The following LRIG2 variants were observed in gnomAD, a reference collection of about 807,000 sequenced individuals.
LRIG2 encodes leucine rich repeats and immunoglobulin like domains 2, also known as leucine-rich repeats and immunoglobulin-like domains protein 2.
Under a neutral mutation model 107.8 loss-of-function variants are expected in LRIG2, and 93 were observed. The observed-to-expected ratio is 0.86, with a 90% CI of 0.73 to 1.03. The LOEUF (loss-of-function observed/expected upper bound fraction) is 1.03, where lower values mean the gene tolerates loss of function less well. Among genes scored for constraint, LRIG2 ranks in the 50% least tolerant of loss-of-function variants. The pLI, the probability that LRIG2 is intolerant of heterozygous loss-of-function variation, is 0.00. For missense variants in LRIG2, 1,226 were observed against 1,296.0 expected (o/e 0.95, Z 0.83); for synonymous variants, 471 against 470.6 (o/e 1.00, Z -0.01).
At chr1:113,084,694 G>A (rs1570729930) in intron 1 of LRIG2, among the ~76,000 whole-genome samples, 1 of 152,146 alleles carries the variant, frequency 6.6e-6, no homozygotes, top group African/African-American at 2.4e-5. Flanking sequence ...GTTTCCTAAT[G>A]CTAGAAAATA....
At chr1:113,082,505 G>T (rs1653332976) in intron 1 of LRIG2, among the ~76,000 whole-genome samples, 1 of 152,208 alleles carries the variant, frequency 6.6e-6, no homozygotes, top group Non-Finnish European at 1.5e-5. Flanking sequence ...GCATCAGCTT[G>T]GCTTCTGGTG....
rs1371373256 is a variant in LRIG2, at chr1:113,073,202, G to A, written c.-205G>A. ...CGTTGCGCCGTGGGGAGGGGCGGAC[G>A]AGAGGTGTCCGTCAGGCCGTGTGTC... On this transcript the variant is annotated 5_prime_UTR_variant, in exon 1 of 18. Coordinates refer to ENST00000361127, the MANE Select transcript of LRIG2 (RefSeq NM_014813.3). 24 of 581,164 alleles carry A rather than the reference G, an allele frequency of 4.1e-5. No homozygotes were observed. The highest frequency in any genetic ancestry group is 6.5e-5 in the Non-Finnish European group (21 of 325,224). The allele number at this position is 581,164 out of a possible 1,614,324, so 36.0% of individuals were successfully genotyped here.
intron 1 of LRIG2, among the ~76,000 whole-genome samples, chr1:113,089,375 A>G (rs192154365): frequency 1.3e-5 from 2 of 152,314 alleles, no homozygotes; most frequent in South Asian, 2.1e-4. Context: ...TTTCAGTGAA[A>G]TCTCTACTGT....
chr1:113,088,051 A>G (rs1167012756), intron 1 of LRIG2, among the ~76,000 whole-genome samples: 1 of 152,230 alleles, frequency 6.6e-6, no homozygotes, highest in Admixed American at 6.5e-5. Flanking sequence ...TTGATAACTT[A>G]AAACAGTTGT....
Position 113,112,752 on chromosome 1 carries a change from C to A in LRIG2, c.2072C>A (p.Thr691Lys). Residue 691 changes from threonine (T) to lysine (K), a missense_variant, in exon 14 of 18, where the codon ACA becomes AAA. Transcript: ENST00000361127. The part of the protein sequence containing the change: ...AGGLSANASL[T>K]VLETPSFIRP... The stretch of plus-strand genomic sequence containing the variant: ...GGTCTCTCAGCAAATGCTTCCCTAA[C>A]AGTGTTAGGTACGTTTACTGCTCCA... The A allele has an allele frequency of 6.2e-7, 1 of 1,603,598 alleles. No individual in the cohort carries two copies. The highest frequency in any genetic ancestry group is 8.5e-7 in the Non-Finnish European group (1 of 1,171,238).
chr1:113,120,207 TC>T (rs1422373254), intron 17 of LRIG2, among the ~76,000 whole-genome samples: 1 of 151,682 alleles, frequency 6.6e-6, no homozygotes, highest in Admixed American at 6.6e-5. Flanking sequence ...CTTAGCACTT[TC>T]GGAGGCCAAA....
At chr1:113,084,417 G>A (rs1364156643) in intron 1 of LRIG2, among the ~76,000 whole-genome samples, 4 of 151,832 alleles carry the variant, frequency 2.6e-5, no homozygotes, top group Middle Eastern at 3.4e-3. Flanking sequence ...GGGTTTCACC[G>A]TGTTAGCCAA....
At chr1:113,115,393 G>A (rs1654962078) in intron 15 of LRIG2, among the ~76,000 whole-genome samples, 1 of 152,024 alleles carries the variant, frequency 6.6e-6, no homozygotes, top group Non-Finnish European at 1.5e-5. Flanking sequence ...TATATTTTTA[G>A]TAGAGTCGGG....
chr1:113,110,114 G>C (rs1228685295), intron 12 of LRIG2, 128 bp from the exon 13 acceptor site: 2 of 651,848 alleles, frequency 3.1e-6, no homozygotes, highest in African/African-American at 3.7e-5. Context: ...CTGTAGCTCT[G>C]TAGTCTCTTT....
At chr1:113,084,242 G>A (rs1258479496) in intron 1 of LRIG2, among the ~76,000 whole-genome samples, 1 of 130,466 alleles carries the variant, frequency 7.7e-6, no homozygotes, top group African/African-American at 2.8e-5. Context: ...CTGAGACAGA[G>A]TCTTGTTCTG....
intron 1 of LRIG2, among the ~76,000 whole-genome samples, chr1:113,083,198 C>A (rs1317391324): frequency 2.7e-5 from 4 of 148,498 alleles, no homozygotes; most frequent in Non-Finnish European, 5.9e-5. Flanking sequence ...ATATGAGGCA[C>A]CATGCTTGGC....
At position 113,094,597 on chromosome 1, in the gene LRIG2, C is replaced by T. The variant is rs757894403; in HGVS notation, c.660-15C>T. 9 of 1,605,752 alleles carry T rather than the reference C, an allele frequency of 5.6e-6. No homozygotes were observed. In the South Asian group the frequency reaches 8.9e-5, roughly 16 times the overall value. ...GCAAACCAATTTCCTGACTGTAAAA[C>T]TATTTTTGTTAAAGGGAACTTAAAA... On this transcript the variant is annotated splice_polypyrimidine_tract_variant and intron_variant, in intron 5 of 17. Coordinates refer to ENST00000361127, the MANE Select transcript of LRIG2 (RefSeq NM_014813.3).
chr1:113,081,631 C>T (rs1282677993), intron 1 of LRIG2, among the ~76,000 whole-genome samples: 1 of 152,112 alleles, frequency 6.6e-6, no homozygotes, highest in African/African-American at 2.4e-5. Flanking sequence ...AGCAATTCTC[C>T]TGCCTCAGCC....
intron 11 of LRIG2, among the ~76,000 whole-genome samples, chr1:113,105,203 A>T (rs537537685): frequency 1.3e-5 from 2 of 152,196 alleles, no homozygotes; most frequent in South Asian, 2.1e-4. Context: ...CACAGACAAA[A>T]CTTAATTCAC....
intron 1 of LRIG2, among the ~76,000 whole-genome samples, chr1:113,074,143 AT>A (rs1292781680): frequency 1.3e-5 from 2 of 152,146 alleles, no homozygotes; most frequent in African/African-American, 4.8e-5. Context: ...ATGTTGGCTG[AT>A]TTTGTGCTGC....
Position 113,084,213 on chromosome 1 carries a change from C to CTTT in LRIG2, c.240-7089_240-7087dup, listed in dbSNP as rs66711679. 3.6e-4 allele frequency among the ~76,000 whole-genome samples: 43 copies of CTTT among 120,886 alleles called. 1 individual carries two copies. The highest frequency in any genetic ancestry group is 5.3e-4 in the South Asian group (2 of 3,746). The allele number at this position is 120,886 out of a possible 152,430, so 79.3% of individuals were successfully genotyped here. A position where few individuals can be genotyped will look rare whatever the true frequency, so the allele number is the denominator to read the frequency against. ...GAGGAAATCTGTGCTTTACTTAATTCTTTTTTTTTTTTTTTTTTCTGAGAC... is the reference window on the plus strand; with the variant it reads ...GAGGAAATCTGTGCTTTACTTAATTCTTTTTTTTTTTTTTTTTTTTTCTGAGAC... On this transcript the variant is annotated intron_variant, in intron 1 of 17. Coordinates refer to ENST00000361127, the MANE Select transcript of LRIG2 (RefSeq NM_014813.3).
rs182630453 is a variant in LRIG2 at position 113,124,376 on chromosome 1, G to A, written c.*275G>A. 1.4e-4 allele frequency: 69 copies of A among 477,920 alleles called. No homozygotes were observed. The highest frequency in any genetic ancestry group is 1.2e-3 in the African/African-American group (64 of 51,418). The allele number at this position is 477,920 out of a possible 1,614,324, so 29.6% of individuals were successfully genotyped here. A position where few individuals can be genotyped will look rare whatever the true frequency, so the allele number is the denominator to read the frequency against. On this transcript the variant is annotated 3_prime_UTR_variant, in exon 18 of 18. Transcript: ENST00000361127. ...TGCTTCCTGATGCTTCCATGGGGAT[G>A]TGCCCTGGTGTGCATCTGCTTGTCA...
chr1:113,073,726 C>T (rs1238725484), intron 1 of LRIG2, 81 bp downstream of exon 1: 1 of 1,329,120 alleles, frequency 7.5e-7, no homozygotes, highest in Non-Finnish European at 1.0e-6. Flanking sequence ...GGAGACAGGC[C>T]TGGTCGGAGG....
chr1:113,102,140 C>T (rs940087987), intron 11 of LRIG2, among the ~76,000 whole-genome samples: 1 of 152,004 alleles, frequency 6.6e-6, no homozygotes, highest in African/African-American at 2.4e-5. Context: ...TTTCCAGGCA[C>T]AAGGAGTAGG....
Sources: allele counts gnomAD v4.1 joint callset (sites outside exome capture counted in the v4.1 genomes callset), GRCh38; gene constraint gnomAD v4.1.1; transcripts MANE v1.5; gene names NCBI Gene and HGNC (gene_info 2026-07-23, HGNC 2026-07-21).